Variants in VEPH1 observed in about 807,000 individuals in gnomAD.
VEPH1 encodes the protein ventricular zone-expressed PH domain-containing protein homolog 1.
A neutral mutation model predicts 85.2 loss-of-function variants in VEPH1; 80 were observed. The ratio of observed to expected loss-of-function variants is 0.94; its 90% confidence interval spans 0.78 to 1.13. VEPH1 has a LOEUF of 1.13. VEPH1 is among the 50% of genes most tolerant of loss of function. The probability of loss-of-function intolerance (pLI) is 0.00; values close to 1 mark genes in which losing one functional copy is unlikely to be tolerated. For missense variants in VEPH1, 955 were observed against 980.5 expected (o/e 0.97, Z 0.35); for synonymous variants, 297 against 348.0 (o/e 0.85, Z 1.63).
At chr3:157,460,855 G>A (rs1735798549) in intron 3 of VEPH1, among the ~76,000 whole-genome samples, 3 of 152,086 alleles carry the variant, frequency 2.0e-5, no homozygotes, top group African/African-American at 2.4e-5. Flanking sequence ...ACTGGAGTGG[G>A]AGGTGAGGGG....
In VEPH1 at chr3:157,437,169, A is replaced by G. The variant is rs1399082752; in HGVS notation, c.530-8681T>C. ...GGCCAGTGAGACAAGTTAAAAATTT[A>G]TAGCTTGTTATGCAAAAGTGAGAAG... On this transcript the variant is annotated intron_variant, in intron 4 of 13. Coordinates refer to ENST00000362010, the MANE Select transcript of VEPH1 (RefSeq NM_001167912.2). 10 of 1,421,334 alleles carry G rather than the reference A, an allele frequency of 7.0e-6. No individual in the cohort carries two copies. The African/African-American group carries it at 1.3e-4, about 18-fold the overall frequency. The allele number at this position is 1,421,334 out of a possible 1,614,324, so 88.0% of individuals were successfully genotyped here. A position where few individuals can be genotyped will look rare whatever the true frequency, so the allele number is the denominator to read the frequency against.
intron 3 of VEPH1, among the ~76,000 whole-genome samples, chr3:157,461,773 A>G (rs544751260): frequency 6.6e-6 from 1 of 152,244 alleles, no homozygotes; most frequent in African/African-American, 2.4e-5. Context: ...ACTAAAATCA[A>G]TTTCAGATAG....
chr3:157,380,520 T>A (rs1326081006), intron 7 of VEPH1, among the ~76,000 whole-genome samples: 4 of 152,220 alleles, frequency 2.6e-5, no homozygotes, highest in East Asian at 1.9e-4. Flanking sequence ...AAGTGCTTTT[T>A]CAAATGCTGC....
intron 12 of VEPH1, among the ~76,000 whole-genome samples, chr3:157,266,427 A>T (rs12634613): frequency 3.3e-5 from 5 of 151,810 alleles, no homozygotes; most frequent in African/African-American, 1.2e-4. Context: ...TTTCCCCCAT[A>T]TGTTCTCATG....
At chr3:157,451,682 A>C (rs186183180) in intron 4 of VEPH1, among the ~76,000 whole-genome samples, 130 of 152,330 alleles carry the variant, frequency 8.5e-4, no homozygotes, top group Non-Finnish European at 1.4e-3. Flanking sequence ...TGTTAAAAAT[A>C]TGATCAAGGA....
chr3:157,305,483 G>A (rs1719416452), intron 11 of VEPH1, among the ~76,000 whole-genome samples: 1 of 152,076 alleles, frequency 6.6e-6, no homozygotes, highest in Admixed American at 6.5e-5. Flanking sequence ...TTATATGGTT[G>A]TATAATAATT....
At chr3:157,407,678 CATTT>C (rs1476478527) in intron 6 of VEPH1, among the ~76,000 whole-genome samples, 2 of 152,120 alleles carry the variant, frequency 1.3e-5, no homozygotes, top group Non-Finnish European at 2.9e-5. Context: ...CAAGGTAAGC[CATTT>C]CCCTAGTTTT....
chr3:157,316,918 C>T (rs894427883), intron 10 of VEPH1, 144 bp downstream of exon 10: 11 of 744,546 alleles, frequency 1.5e-5, no homozygotes, highest in African/African-American at 7.4e-5. Flanking sequence ...TATAAAAAAC[C>T]GAGGTTAAAG....
intron 4 of VEPH1, chr3:157,436,994 G>T: frequency 1.9e-6 from 3 of 1,613,984 alleles, no homozygotes; most frequent in Non-Finnish European, 2.5e-6. Flanking sequence ...CGAGAACTCG[G>T]ATGATTATGA....
intron 11 of VEPH1, among the ~76,000 whole-genome samples, chr3:157,288,184 C>T (rs780312045): frequency 2.6e-4 from 40 of 152,224 alleles, no homozygotes; most frequent in Non-Finnish European, 8.8e-5. Context: ...AAGGCTCCTC[C>T]TCCTAAGAGG....
intron 6 of VEPH1, among the ~76,000 whole-genome samples, chr3:157,404,915 T>C (rs1330956394): frequency 6.6e-6 from 1 of 152,218 alleles, no homozygotes; most frequent in East Asian, 1.9e-4. Flanking sequence ...TCAACTCACC[T>C]GCTGCCAATG....
At chr3:157,442,423 A>G (rs770339090) in intron 4 of VEPH1, 1 of 1,614,100 alleles carries the variant, frequency 6.2e-7, no homozygotes. Flanking sequence ...GGAAGCGTGC[A>G]TCCAGTGAGA....
chr3:157,284,478 A>AT (rs1716527901), intron 12 of VEPH1, among the ~76,000 whole-genome samples: 1 of 152,224 alleles, frequency 6.6e-6, no homozygotes, highest in Non-Finnish European at 1.5e-5. Context: ...ATTTGTTGCT[A>AT]TGTCTCATCT....
intron 9 of VEPH1, among the ~76,000 whole-genome samples, chr3:157,343,097 C>G (rs1023701526): frequency 1.1e-4 from 16 of 152,254 alleles, no homozygotes; most frequent in African/African-American, 3.9e-4. Context: ...AATTGACACC[C>G]TAACATCACA....
intron 5 of VEPH1, among the ~76,000 whole-genome samples, chr3:157,422,408 G>C (rs1180961159): frequency 6.6e-6 from 1 of 152,204 alleles, no homozygotes; most frequent in African/African-American, 2.4e-5. Flanking sequence ...GGAAATAAAT[G>C]AGATGTCTGT....
At chr3:157,364,556 C>T in intron 7 of VEPH1, 44 bp from the exon 8 acceptor site, 1 of 1,553,694 alleles carries the variant, frequency 6.4e-7, no homozygotes, top group Non-Finnish European at 8.8e-7. Context: ...GTCATATATA[C>T]TCTTCAGAAC....
chr3:157,304,146 AAGCCTGTGGG>A (rs1719214075), intron 11 of VEPH1, among the ~76,000 whole-genome samples: 1 of 151,506 alleles, frequency 6.6e-6, no homozygotes, highest in East Asian at 1.9e-4. Flanking sequence ...CACTAGATCT[AAGCCTGTGGG>A]AGCATCAGAA....
chr3:157,306,780 G>C (rs142349187), intron 11 of VEPH1, among the ~76,000 whole-genome samples: 21 of 152,012 alleles, frequency 1.4e-4, no homozygotes, highest in Admixed American at 9.2e-4. Flanking sequence ...TTGGTTACAT[G>C]GATGAATGAA....
chr3:157,360,875 A>G (rs1002087268), intron 9 of VEPH1, among the ~76,000 whole-genome samples: 7 of 152,348 alleles, frequency 4.6e-5, no homozygotes, highest in Admixed American at 3.3e-4. Flanking sequence ...GCTCAAGGCA[A>G]TAAGAAATAT....
Sources: allele counts gnomAD v4.1 joint callset (sites outside exome capture counted in the v4.1 genomes callset), GRCh38; gene constraint gnomAD v4.1.1; transcripts MANE v1.5; gene names NCBI Gene and HGNC (gene_info 2026-07-23, HGNC 2026-07-21).